The following TNKS variants were observed in gnomAD, a reference collection of about 807,000 sequenced individuals.
The protein encoded by TNKS is tankyrase, also known as poly [ADP-ribose] polymerase tankyrase-1.
TNKS carries 72 observed loss-of-function variants against 135.8 expected under a neutral mutation model. The ratio of observed to expected loss-of-function variants is 0.53; its 90% CI spans 0.44 to 0.64. TNKS has a LOEUF of 0.64. Among genes scored for constraint, TNKS ranks in the 30% least tolerant of loss-of-function variants. The probability of loss-of-function intolerance (pLI) is 0.00; values close to 1 mark genes in which losing one functional copy is unlikely to be tolerated. For missense variants in TNKS, 1,769 were observed against 1,674.0 expected (o/e 1.06, Z -0.99); for synonymous variants, 849 against 649.3 (o/e 1.31, Z -4.68).
At chr8:9,579,960 T>G (rs1798106926) in intron 1 of TNKS, among the ~76,000 whole-genome samples, 199 bp from the exon 2 acceptor site, 1 of 152,222 alleles carries the variant, frequency 6.6e-6, no homozygotes, top group Non-Finnish European at 1.5e-5. Context: ...GCCCAAAGAC[T>G]AAAGGAAGAG....
intron 3 of TNKS, among the ~76,000 whole-genome samples, chr8:9,652,645 A>G (rs1801188704): frequency 6.6e-6 from 1 of 152,170 alleles, no homozygotes; most frequent in Admixed American, 6.5e-5. Context: ...GACATTAATG[A>G]AAAGGAGGTC....
At chr8:9,631,201 A>T (rs937043534) in intron 3 of TNKS, among the ~76,000 whole-genome samples, 35 of 152,206 alleles carry the variant, frequency 2.3e-4, no homozygotes, top group African/African-American at 8.2e-4. Context: ...TGATTATAAT[A>T]CCCCAAATCT....
At chr8:9,669,995 G>C (rs1456892031) in intron 3 of TNKS, 1 of 152,162 alleles carries the variant, frequency 6.6e-6, no homozygotes, top group Non-Finnish European at 1.5e-5. Flanking sequence ...AAGTGACTCA[G>C]TGCAGTTGAA....
intron 5 of TNKS, among the ~76,000 whole-genome samples, chr8:9,682,310 C>G (rs747093331): frequency 1.3e-5 from 2 of 152,124 alleles, no homozygotes; most frequent in Non-Finnish European, 2.9e-5. Flanking sequence ...GAGTCGATTT[C>G]TGTCACAGCC....
intron 1 of TNKS, among the ~76,000 whole-genome samples, chr8:9,573,618 A>C (rs969164612): frequency 1.3e-5 from 2 of 152,144 alleles, no homozygotes; most frequent in Non-Finnish European, 2.9e-5. Flanking sequence ...GACAACCCCA[A>C]ACTTAGTTTA....
At chr8:9,770,311 A>G (rs773257117) in intron 26 of TNKS, 49 bp downstream of exon 26, 6 of 1,561,508 alleles carry the variant, frequency 3.8e-6, no homozygotes, top group African/African-American at 1.4e-5. Context: ...ACATGTCAAT[A>G]GAGCACAGAG....
intron 3 of TNKS, among the ~76,000 whole-genome samples, chr8:9,639,331 A>T (rs1269766775): frequency 6.6e-6 from 1 of 152,142 alleles, no homozygotes; most frequent in East Asian, 1.9e-4. Flanking sequence ...AAACATAAGG[A>T]GAGTAGCTTA....
chr8:9,674,993 A>C (rs1585313333), intron 3 of TNKS, among the ~76,000 whole-genome samples: 1 of 152,206 alleles, frequency 6.6e-6, no homozygotes, highest in South Asian at 2.1e-4. Flanking sequence ...TTTGTAATTT[A>C]CCCCAGTTGT....
intron 26 of TNKS, among the ~76,000 whole-genome samples, chr8:9,772,816 TG>T (rs1807999072): frequency 1.3e-5 from 1 of 75,236 alleles, no homozygotes; most frequent in Non-Finnish European, 2.4e-5. Flanking sequence ...TGTTTGTGTG[TG>T]TGTGTGTGTG....
chr8:9,593,018 A>G (rs1395346323), intron 2 of TNKS, among the ~76,000 whole-genome samples: 1 of 152,246 alleles, frequency 6.6e-6, no homozygotes, highest in Non-Finnish European at 1.5e-5. Context: ...ACTTTTGGTT[A>G]TAATGGGTTT....
intron 26 of TNKS, among the ~76,000 whole-genome samples, chr8:9,776,064 A>C (rs1808212391): frequency 6.6e-6 from 1 of 151,844 alleles, no homozygotes; most frequent in Non-Finnish European, 1.5e-5. Flanking sequence ...TGCAAGAAAA[A>C]AGAGAAAGAG....
At chr8:9,579,386 A>T (rs529448582) in intron 1 of TNKS, among the ~76,000 whole-genome samples, 1 of 152,148 alleles carries the variant, frequency 6.6e-6, no homozygotes, top group African/African-American at 2.4e-5. Flanking sequence ...ATACCCATAC[A>T]TTCATCCCCA....
chr8:9,706,312 C>A, intron 7 of TNKS, 59 bp downstream of exon 7: 1 of 1,261,578 alleles, frequency 7.9e-7, no homozygotes, highest in Non-Finnish European at 1.1e-6. Flanking sequence ...TTTACCTTGT[C>A]ATGACTTTCC....
intron 3 of TNKS, among the ~76,000 whole-genome samples, chr8:9,677,863 C>T (rs566074726): frequency 2.6e-5 from 4 of 152,024 alleles, no homozygotes; most frequent in African/African-American, 9.6e-5. Flanking sequence ...ACAACCATTC[C>T]CCTTCTCCTT....
chr8:9,633,885 G>A (rs1800394552), intron 3 of TNKS, among the ~76,000 whole-genome samples: 1 of 152,140 alleles, frequency 6.6e-6, no homozygotes, highest in Non-Finnish European at 1.5e-5. Context: ...TAGTCCCCAT[G>A]TATAGCTTGG....
chr8:9,688,728 C>G (rs1803124425), intron 5 of TNKS, among the ~76,000 whole-genome samples: 1 of 152,196 alleles, frequency 6.6e-6, no homozygotes, highest in Non-Finnish European at 1.5e-5. Context: ...CAAGCTCCGC[C>G]TCCTGGGTTC....
intron 3 of TNKS, among the ~76,000 whole-genome samples, chr8:9,650,338 G>A (rs1161174462): frequency 4.6e-5 from 7 of 152,174 alleles, no homozygotes; most frequent in Admixed American, 1.3e-4. Context: ...TAGATACCCA[G>A]TAATGGGATT....
At chr8:9,610,094 T>C (rs185450552) in intron 2 of TNKS, among the ~76,000 whole-genome samples, 1 of 152,276 alleles carries the variant, frequency 6.6e-6, no homozygotes, top group Admixed American at 6.5e-5. Context: ...CCTGACTTCG[T>C]GATATGCTCA....
Position 9,663,263 on chromosome 8 carries a change from A to G in TNKS, c.995-16688A>G, listed in dbSNP as rs574050291. ...ACTTAGTTTCTGGTATTGTGTTACA[A>G]TAACAATAGGAAACTAATATCTGAA... is the stretch of plus-strand genomic sequence containing the variant. On this transcript the variant is annotated intron_variant, in intron 3 of 26. Transcript: ENST00000310430. 7.9e-5 allele frequency among the ~76,000 whole-genome samples: 12 copies of G among 152,344 alleles called. No homozygotes were observed. In the South Asian group the frequency reaches 2.5e-3, roughly 32 times the overall value.
Sources: allele counts gnomAD v4.1 joint callset (sites outside exome capture counted in the v4.1 genomes callset), GRCh38; gene constraint gnomAD v4.1.1; transcripts MANE v1.5; gene names NCBI Gene and HGNC (gene_info 2026-07-23, HGNC 2026-07-21).